Variants in TCERG1L observed in about 807,000 individuals in gnomAD.
The protein encoded by TCERG1L is transcription elongation regulator 1-like protein.
Under a neutral mutation model 56.3 loss-of-function variants are expected in TCERG1L, and 37 were observed. The ratio of observed to expected loss-of-function variants is 0.66; its 90% CI spans 0.51 to 0.87. The LOEUF (loss-of-function observed/expected upper bound fraction) is 0.87. TCERG1L is among the 40% of genes least tolerant of loss of function. The pLI is 0.00. For synonymous variants in TCERG1L, 324 were observed against 326.3 expected (o/e 0.99, Z 0.08); for missense variants, 799 against 774.2 (o/e 1.03, Z -0.38).
At chr10:131,228,022 C>A (rs1392696636) in intron 4 of TCERG1L, among the ~76,000 whole-genome samples, 1 of 151,766 alleles carries the variant, frequency 6.6e-6, no homozygotes, top group Non-Finnish European at 1.5e-5. Flanking sequence ...CCTCCTTGCC[C>A]AGCCCCCCTC....
Position 131,285,078 on chromosome 10 carries a change from A to G in TCERG1L, c.670+23133T>C, listed in dbSNP as rs538001866. Among the ~76,000 whole-genome samples, 64 of 152,290 alleles carry G rather than the reference A, an allele frequency of 4.2e-4. No individual in the cohort carries two copies. The South Asian group carries it at 0.012, about 28-fold the overall frequency. ...TTTCACACTAAAGCCAGGTGAGTCT[A>G]GTAAAAGAAAATGAAGCAGCCAGTC... On this transcript the variant is annotated intron_variant, in intron 3 of 11. Coordinates refer to ENST00000368642, the MANE Select transcript of TCERG1L (RefSeq NM_174937.4).
At chr10:131,192,519 G>T (rs75801433) in intron 4 of TCERG1L, among the ~76,000 whole-genome samples, 1,597 of 143,680 alleles carry the variant, frequency 0.011, 261 homozygotes, top group African/African-American at 0.038. Flanking sequence ...CACTACTGGG[G>T]GTCTACCCAA....
chr10:131,203,998 G>A lies in TCERG1L; in HGVS notation c.857-37113C>T, dbSNP rs948504839. 5.9e-5 allele frequency among the ~76,000 whole-genome samples: 9 copies of A among 152,340 alleles called. No homozygotes were observed. In the South Asian group the frequency reaches 1.4e-3, roughly 25 times the overall value. ...CCCCAATAGGACGATATGAAGAGGT[G>A]AAACCTTTAGGAGATGTGAAGTGAT... On this transcript the variant is annotated intron_variant, in intron 4 of 11. Coordinates refer to ENST00000368642, the MANE Select transcript of TCERG1L (RefSeq NM_174937.4).
rs138187776 is a variant in TCERG1L, at chr10:131,307,412, C to A, written c.670+799G>T. Among the ~76,000 whole-genome samples, 3 of 152,266 alleles carry A rather than the reference C, an allele frequency of 2.0e-5. No individual in the cohort carries two copies. In the East Asian group the frequency reaches 5.8e-4, roughly 29 times the overall value. ...CATTATTCACAAGAACATCTTATTA[C>A]TAAATTTTAGAGACACATATTGAGA... On this transcript the variant is annotated intron_variant, in intron 3 of 11. Transcript: ENST00000368642.
At chr10:131,108,269 G>A (rs1384944367) in intron 9 of TCERG1L, among the ~76,000 whole-genome samples, 8 of 152,150 alleles carry the variant, frequency 5.3e-5, no homozygotes, top group Non-Finnish European at 1.2e-4. Context: ...TTAGCCCAGC[G>A]TTTCACAGGA....
intron 8 of TCERG1L, 131 bp from the exon 9 acceptor site, chr10:131,117,065 C>T: frequency 8.1e-7 from 1 of 1,236,306 alleles, no homozygotes; most frequent in Non-Finnish European, 1.1e-6. Flanking sequence ...TTTATAAAGC[C>T]TGAGGCGGTC....
At chr10:131,298,831 A>G (rs934210720) in intron 3 of TCERG1L, among the ~76,000 whole-genome samples, 16 of 152,376 alleles carry the variant, frequency 1.1e-4, no homozygotes, top group African/African-American at 3.4e-4. Flanking sequence ...ACTGTTCTAT[A>G]CATGTCAATC....
At chr10:131,094,279 C>A (rs1564790224) in intron 11 of TCERG1L, among the ~76,000 whole-genome samples, 3 of 152,180 alleles carry the variant, frequency 2.0e-5, no homozygotes, top group Admixed American at 6.5e-5. Context: ...CAGGGCCTGG[C>A]CTGGGCAGTG....
intron 6 of TCERG1L, among the ~76,000 whole-genome samples, chr10:131,153,877 C>T (rs996894463): frequency 1.3e-5 from 2 of 152,134 alleles, no homozygotes; most frequent in African/African-American, 4.8e-5. Context: ...CACAAAGAGC[C>T]CAGCTCCTGA....
chr10:131,167,206 A>T (rs934546684), intron 4 of TCERG1L, among the ~76,000 whole-genome samples: 3 of 152,122 alleles, frequency 2.0e-5, no homozygotes, highest in African/African-American at 7.2e-5. Flanking sequence ...TCCACCCTGG[A>T]CTCAGCCTCT....
chr10:131,137,307 C>T (rs1845686724), intron 7 of TCERG1L, among the ~76,000 whole-genome samples: 1 of 152,210 alleles, frequency 6.6e-6, no homozygotes, highest in Middle Eastern at 3.2e-3. Flanking sequence ...CTCACTGTGC[C>T]CTCCCGGTTT....
rs541480456 is a variant in TCERG1L, at chr10:131,128,527, A to T, written c.1259+5852T>A. On this transcript the variant is annotated intron_variant, in intron 8 of 11. Coordinates refer to ENST00000368642, the MANE Select transcript of TCERG1L (RefSeq NM_174937.4). Reference sequence around the variant, plus strand: ...AGTAACTAAAATCGACTAAAACATCAGCTGTGTTTACATCCAATTCACAGT... The same window carrying T: ...AGTAACTAAAATCGACTAAAACATCTGCTGTGTTTACATCCAATTCACAGT... 2.6e-4 allele frequency among the ~76,000 whole-genome samples: 40 copies of T among 152,334 alleles called. 2 individuals carry two copies. The highest frequency in any genetic ancestry group is 6.8e-3 in the Middle Eastern group (2 of 292).
chr10:131,200,587 C>T (rs72636960), intron 4 of TCERG1L, among the ~76,000 whole-genome samples: 11,374 of 152,202 alleles, frequency 0.075, 555 homozygotes, highest in East Asian at 0.22. Flanking sequence ...TGCTTGATTT[C>T]GCAGGCTCAC....
intron 7 of TCERG1L, among the ~76,000 whole-genome samples, chr10:131,142,985 G>GAGAGA (rs1845755026): frequency 6.6e-6 from 1 of 151,732 alleles, no homozygotes; most frequent in Non-Finnish European, 1.5e-5. Flanking sequence ...CAGAGCCAGA[G>GAGAGA]AGAGAAGAGA....
At chr10:131,179,176 A>G (rs993276594) in intron 4 of TCERG1L, among the ~76,000 whole-genome samples, 2 of 152,100 alleles carry the variant, frequency 1.3e-5, no homozygotes, top group African/African-American at 4.8e-5. Context: ...CTTCCTGCCC[A>G]CCCCAGCAAA....
Position 131,256,992 on chromosome 10 carries a change from G to GGAAGGAAGGAAGGAAGGAAA in TCERG1L, c.856+3266_856+3267insTTTCCTTCCTTCCTTCCTTC, listed in dbSNP as rs1846173015. Reference sequence around the variant, plus strand: ...AGGAAGGAAGGAAGGAAGGAAGGAAGGAAAGAAAGAAAGAAAGAAAGAAAG... The same window carrying GGAAGGAAGGAAGGAAGGAAA: ...AGGAAGGAAGGAAGGAAGGAAGGAAGGAAGGAAGGAAGGAAGGAAAGAAAGAAAGAAAGAAAGAAAGAAAG... On this transcript the variant is annotated intron_variant, in intron 4 of 11. Transcript: ENST00000368642. Among the ~76,000 whole-genome samples the GGAAGGAAGGAAGGAAGGAAA allele has an allele frequency of 1.9e-4, 11 of 59,196 alleles. 1 individual carries two copies. The highest frequency in any genetic ancestry group is 2.7e-4 in the Non-Finnish European group (7 of 26,398). 38.8% of individuals were successfully genotyped at this position (59,196 alleles called of 152,430 possible).
At chr10:131,182,017 T>G (rs143364405) in intron 4 of TCERG1L, among the ~76,000 whole-genome samples, 48 of 152,232 alleles carry the variant, frequency 3.2e-4, no homozygotes, top group Non-Finnish European at 5.7e-4. Context: ...ACCGTGTGTA[T>G]GTGTGTGTAC....
chr10:131,096,745 A>T (rs1283773872), intron 11 of TCERG1L, among the ~76,000 whole-genome samples: 1 of 152,120 alleles, frequency 6.6e-6, no homozygotes, highest in Non-Finnish European at 1.5e-5. Flanking sequence ...CTTCTCTACT[A>T]AAAATACAAA....
chr10:131,119,870 T>C (rs1292259376), intron 8 of TCERG1L, among the ~76,000 whole-genome samples: 1 of 152,194 alleles, frequency 6.6e-6, no homozygotes, highest in African/African-American at 2.4e-5. Context: ...CCTTACTGCA[T>C]CACAGAAGCC....
Sources: gnomAD v4.1 joint callset for allele counts (sites outside exome capture counted in the v4.1 genomes callset) on GRCh38, gnomAD v4.1.1 for gene constraint, MANE v1.5 for transcripts, NCBI Gene and HGNC (gene_info 2026-07-23, HGNC 2026-07-21) for gene names.